The following TTC3 variants were observed in gnomAD, a reference collection of about 807,000 sequenced individuals.
TTC3 encodes tetratricopeptide repeat domain 3, also known as E3 ubiquitin-protein ligase TTC3.
TTC3 carries 180 observed loss-of-function variants against 249.6 expected under a neutral mutation model. The ratio of observed to expected loss-of-function variants is 0.72; its 90% confidence interval spans 0.64 to 0.82. The LOEUF is 0.82. Among genes scored for constraint, TTC3 ranks in the 40% least tolerant of loss-of-function variants. The pLI is 0.00. For missense variants in TTC3, 2,061 were observed against 2,398.4 expected, an observed-to-expected ratio of 0.86 and a Z score of 2.94; for synonymous variants, 717 against 805.0, an observed-to-expected ratio of 0.89 and a Z score of 1.85.
At chr21:37,196,835 T>C (rs549875129) in intron 42 of TTC3, among the ~76,000 whole-genome samples, 1 of 152,320 alleles carries the variant, frequency 6.6e-6, no homozygotes, top group African/African-American at 2.4e-5. Context: ...CATGTGGACA[T>C]GTTAACAAGG....
chr21:37,147,631 T>A, intron 22 of TTC3, 28 bp downstream of exon 22: 1 of 1,562,688 alleles, frequency 6.4e-7, no homozygotes, highest in Non-Finnish European at 8.6e-7. Flanking sequence ...AGTGGGACAT[T>A]AACTTGCAAA....
At chr21:37,158,943 A>G (rs906855175) in intron 28 of TTC3, among the ~76,000 whole-genome samples, 2 of 4,358 alleles carry the variant, frequency 4.6e-4, no homozygotes, top group Non-Finnish European at 8.2e-4. Context: ...CCATGCCTCT[A>G]GAATCTCCCA....
chr21:37,167,103 A>G (rs1260665581), intron 33 of TTC3, among the ~76,000 whole-genome samples: 2 of 152,088 alleles, frequency 1.3e-5, no homozygotes, highest in Non-Finnish European at 2.9e-5. Context: ...CAGAAAGAGA[A>G]GGAAAAAGGA....
intron 41 of TTC3, among the ~76,000 whole-genome samples, chr21:37,192,608 G>A (rs201486478): frequency 2.0e-5 from 3 of 151,698 alleles, no homozygotes; most frequent in Admixed American, 6.6e-5. Context: ...CAAGCAGGCC[G>A]CTATCACCAC....
At chr21:37,171,531 G>C (rs1569137087) in intron 34 of TTC3, among the ~76,000 whole-genome samples, 1 of 152,114 alleles carries the variant, frequency 6.6e-6, no homozygotes, top group African/African-American at 2.4e-5. Flanking sequence ...GTAATTTGGG[G>C]CATGTAAATT....
exon 4 of TTC3, chr21:37,088,302 A>C (rs1181914554): frequency 6.2e-7 from 1 of 1,613,580 alleles, no homozygotes; most frequent in Non-Finnish European, 8.5e-7. Context: ...TTCAACATCA[A>C]AACAGTTCCG....
exon 42 of TTC3, chr21:37,195,847 G>A: frequency 6.2e-7 from 1 of 1,614,236 alleles, no homozygotes. Flanking sequence ...CCACCCCCTG[G>A]TCAGCCTGAA....
intron 35 of TTC3, among the ~76,000 whole-genome samples, chr21:37,174,859 AG>A (rs778788627): frequency 2.0e-5 from 3 of 152,328 alleles, no homozygotes; most frequent in East Asian, 3.9e-4. Context: ...GACAGGGGCT[AG>A]CCAGAGATAG....
intron 10 of TTC3, among the ~76,000 whole-genome samples, chr21:37,100,100 C>T (rs554604894): frequency 2.6e-5 from 4 of 152,020 alleles, no homozygotes; most frequent in Admixed American, 2.0e-4. Flanking sequence ...GTTAAACACC[C>T]GGGGAGTGGC....
At position 37,152,911 on chromosome 21, in the gene TTC3, A is replaced by T. The variant is rs200574718; in HGVS notation, c.2414-40A>T. The T allele has an allele frequency of 9.2e-4, 1,318 of 1,438,684 alleles. 1 individual carries two copies. Among genetic ancestry groups the T allele is most frequent in the Admixed American group, 2.0e-3 (81 of 41,502 alleles). 89.1% of individuals were successfully genotyped at this position (1,438,684 alleles called of 1,614,324 possible). A position where few individuals can be genotyped will look rare whatever the true frequency, so the allele number is the denominator to read the frequency against. ...TTCTAAGTTTATGTAATTGTGAATTAGTCCTATTTATCACTTTAACCATTG... is the reference window on the plus strand; with the variant it reads ...TTCTAAGTTTATGTAATTGTGAATTTGTCCTATTTATCACTTTAACCATTG... On this transcript the variant is annotated intron_variant, in intron 26 of 45. Transcript: ENST00000355666.
intron 45 of TTC3, among the ~76,000 whole-genome samples, 188 bp downstream of exon 45, chr21:37,200,512 G>A (rs898623474): frequency 6.6e-6 from 1 of 152,200 alleles, no homozygotes; most frequent in Non-Finnish European, 1.5e-5. Flanking sequence ...GGGCAGCTCT[G>A]GAGACCGTCC....
At position 37,163,608 on chromosome 21, in the gene TTC3, C is replaced by A. The variant is rs540353348; in HGVS notation, c.3171-443C>A. Among the ~76,000 whole-genome samples, 224 of 152,200 alleles carry A rather than the reference C, an allele frequency of 1.5e-3. 2 individuals are homozygous for A. The highest frequency in any genetic ancestry group is 4.9e-3 in the African/African-American group (205 of 41,528). ...CAAGTGATCTGCCTGCCTTGGCCTC[C>A]CAAAGTGCTGGGATTACAGGCGTGA... On this transcript the variant is annotated intron_variant, in intron 31 of 45. Coordinates refer to ENST00000355666, the Ensembl canonical transcript of TTC3.
At chr21:37,126,913 G>A (rs1351664651) in intron 15 of TTC3, among the ~76,000 whole-genome samples, 1 of 151,306 alleles carries the variant, frequency 6.6e-6, no homozygotes, top group African/African-American at 2.4e-5. Flanking sequence ...GGAGTGCAGT[G>A]GCATGATCTG....
intron 34 of TTC3, among the ~76,000 whole-genome samples, chr21:37,172,311 T>G (rs1160910387): frequency 5.3e-5 from 8 of 152,220 alleles, no homozygotes; most frequent in African/African-American, 1.9e-4. Flanking sequence ...ATCAAACTGT[T>G]GATCTGGTAT....
intron 1 of TTC3, among the ~76,000 whole-genome samples, chr21:37,084,917 C>G (rs1314423709): frequency 1.3e-5 from 2 of 152,166 alleles, no homozygotes; most frequent in East Asian, 3.9e-4. Context: ...CGCTTGAACC[C>G]GGGAAGTGGA....
chr21:37,190,987 C>G (rs1303316262), intron 39 of TTC3, among the ~76,000 whole-genome samples: 3 of 152,168 alleles, frequency 2.0e-5, no homozygotes, highest in African/African-American at 7.2e-5. Context: ...TTCAGACTAC[C>G]TTTTTAAAAA....
chr21:37,075,309 T>C (rs1456609351), intron 1 of TTC3, among the ~76,000 whole-genome samples: 1 of 152,242 alleles, frequency 6.6e-6, no homozygotes, highest in Non-Finnish European at 1.5e-5. Flanking sequence ...TACATTCCCC[T>C]GTTGATAGAC....
intron 33 of TTC3, 116 bp from the exon 34 acceptor site, chr21:37,167,439 A>G: frequency 2.0e-6 from 1 of 507,950 alleles, no homozygotes. Flanking sequence ...CATGATCTAA[A>G]TGGGAAAAAA....
Position 37,126,010 on chromosome 21 carries a change from A to T in TTC3, c.1234-70A>T, listed in dbSNP as rs572905638. ...ATCCTATTCTATTCTAAATTCTTTTATATAGCTATTGAATTCTTCATGGCT... is the reference window on the plus strand; with the variant it reads ...ATCCTATTCTATTCTAAATTCTTTTTTATAGCTATTGAATTCTTCATGGCT... On this transcript the variant is annotated intron_variant, in intron 14 of 45. Transcript: ENST00000355666. 107 of 1,426,696 alleles carry T rather than the reference A, an allele frequency of 7.5e-5. No homozygotes were observed. In the South Asian group the frequency reaches 1.0e-3, roughly 13 times the overall value. The allele number at this position is 1,426,696 out of a possible 1,614,324, so 88.4% of individuals were successfully genotyped here.
Sources: gnomAD v4.1 joint callset for allele counts (sites outside exome capture counted in the v4.1 genomes callset) on GRCh38, gnomAD v4.1.1 for gene constraint, MANE v1.5 for transcripts, NCBI Gene and HGNC (gene_info 2026-07-23, HGNC 2026-07-21) for gene names.